Variants in EI24 observed in about 807,000 individuals in gnomAD.
EI24 encodes etoposide-induced protein 2.4 homolog.
In EI24, 21 loss-of-function variants were observed where a neutral mutation model predicts 48.6. The observed-to-expected ratio is 0.43, with a 90% CI of 0.31 to 0.62. The LOEUF (loss-of-function observed/expected upper bound fraction) is 0.62, where lower values mean the gene tolerates loss of function less well. Ranked by LOEUF, EI24 falls within the 20% of genes least tolerant of loss-of-function variation. The probability of loss-of-function intolerance (pLI) is 0.10; values close to 1 mark genes in which losing one functional copy is unlikely to be tolerated. For missense variants in EI24, 280 were observed against 410.5 expected, an observed-to-expected ratio of 0.68 and a Z score of 2.75; for synonymous variants, 114 against 145.5, an observed-to-expected ratio of 0.78 and a Z score of 1.56.
chr11:125,581,684 T>A (rs1939007001), intron 9 of EI24, among the ~76,000 whole-genome samples: 1 of 150,776 alleles, frequency 6.6e-6, no homozygotes, highest in Non-Finnish European at 1.5e-5. Context: ...GTAGCTGGGA[T>A]TACAGGCGCC....
rs1938690991 is a variant in EI24, at chr11:125,575,264, G to T, written c.44G>T (p.Gly15Val). The change falls in exon 3 of 11, where the codon GGA becomes GTA. Residue 15 changes from glycine to valine, a missense_variant and splice_region_variant. Gly to Val is a moderately radical substitution (Grantham distance 109). Around this residue, in one of 3 missense-constraint regions of EI24, gnomAD observed 204 missense variants for 294.1 expected, o/e 0.69. Transcript: ENST00000278903. Reference sequence around the variant, plus strand: ...TAATAATGATAGCCTTTTCTATAGGGAATCAAAGACTCCATCTGGGGTATT... The same window carrying T: ...TAATAATGATAGCCTTTTCTATAGGTAATCAAAGACTCCATCTGGGGTATT... ...VKTFLQDLAR[G>V]IKDSIWGICT... The T allele has an allele frequency of 6.5e-7, 1 of 1,544,318 alleles. No individual in the cohort carries two copies. The highest frequency in any genetic ancestry group is 8.8e-7 in the Non-Finnish European group (1 of 1,142,436).
In EI24 at chr11:125,583,678, C is replaced by G. The variant is rs568514385; in HGVS notation, c.1018C>G (p.His340Asp). The G allele has an allele frequency of 3.7e-6, 6 of 1,612,116 alleles. No individual in the cohort carries two copies. In the East Asian group the frequency reaches 1.3e-4, roughly 36 times the overall value. Residue 340 changes from histidine (H) to aspartate (D), a missense_variant, in exon 11 of 11, where the codon CAC (histidine) becomes GAC (aspartate). Physicochemically the swap from His to Asp is moderately conservative, Grantham distance 81 (BLOSUM62 -1). Around this residue, in one of 3 missense-constraint regions of EI24, gnomAD observed 62 missense variants for 65.1 expected, o/e 0.95. Coordinates refer to ENST00000278903, the MANE Select transcript of EI24 (RefSeq NM_004879.5). ...TGCCAAACTGAAGGCTACTGCAGGT[C>G]ACTGAGTTGCCTGCCATCCAAAGGG... ...SPAKLKATAG[H>D]
In EI24 at chr11:125,583,584, A is replaced by G; in HGVS notation, c.924A>G (p.Thr308=). The G allele has an allele frequency of 6.2e-7, 1 of 1,612,658 alleles. No individual in the cohort carries two copies. Among genetic ancestry groups the G allele is most frequent in the Non-Finnish European group, 8.5e-7 (1 of 1,179,674 alleles). Residue 308 remains threonine (T), a synonymous_variant, in exon 11 of 11, where the codon ACA becomes ACG. Coordinates refer to ENST00000278903, the MANE Select transcript of EI24 (RefSeq NM_004879.5). ...TAAGCAACAGACTCTTCCACAAGAC[A>G]GTCTACCTGCAGTCGGCCCTGAGCA... ...VFLSNRLFHK[T]VYLQSALSSS...
intron 9 of EI24, among the ~76,000 whole-genome samples, chr11:125,581,936 G>A (rs1255015698): frequency 1.3e-5 from 2 of 151,952 alleles, no homozygotes; most frequent in Admixed American, 6.6e-5. Flanking sequence ...CACGGCTCAC[G>A]CCTGTAATTC....
chr11:125,575,771 C>CAT (rs758087623), intron 3 of EI24: 6 of 260,210 alleles, frequency 2.3e-5, no homozygotes, highest in Admixed American at 5.2e-5. Context: ...AAGCTGGTTC[C>CAT]ATATATATAC....
At chr11:125,577,890 T>C (rs1212752425) in intron 5 of EI24, 8 of 587,804 alleles carry the variant, frequency 1.4e-5, no homozygotes, top group Admixed American at 3.0e-5. Context: ...GGCATCTCGT[T>C]ACCATCATGT....
intron 4 of EI24, among the ~76,000 whole-genome samples, chr11:125,576,523 T>G (rs570438793): frequency 2.0e-5 from 3 of 152,348 alleles, no homozygotes; most frequent in African/African-American, 7.2e-5. Context: ...GTCACAGCCC[T>G]GAATATACAC....
Position 125,575,291 on chromosome 11 carries a change from G to A in EI24, c.71G>A (p.Cys24Tyr). 6.4e-7 allele frequency: 1 copy of A among 1,552,410 alleles called. No homozygotes were observed. The highest frequency in any genetic ancestry group is 8.7e-7 in the Non-Finnish European group (1 of 1,147,530). ...ATCAAAGACTCCATCTGGGGTATTT[G>A]TACCATCTCAAAGCTAGATGCTCGA... The part of the protein sequence containing the change: ...RGIKDSIWGI[C>Y]TISKLDARIQ... The change falls in exon 3 of 11, where the codon TGT becomes TAT. Residue 24 changes from cysteine (C) to tyrosine (Y), a missense_variant. Cys to Tyr is a radical substitution (Grantham distance 194). Coordinates refer to ENST00000278903, the MANE Select transcript of EI24 (RefSeq NM_004879.5).
intron 1 of EI24, among the ~76,000 whole-genome samples, 187 bp from the exon 2 acceptor site, chr11:125,572,270 GA>G (rs576966194): frequency 1.3e-5 from 2 of 151,514 alleles, no homozygotes; most frequent in East Asian, 1.9e-4. Flanking sequence ...GAGTGTTTTA[GA>G]AAAAAAATAG....
intron 10 of EI24, 69 bp from the exon 11 acceptor site, chr11:125,583,452 A>G: frequency 1.5e-6 from 2 of 1,302,528 alleles, no homozygotes; most frequent in East Asian, 4.9e-5. Context: ...ATTTAATGTC[A>G]AGTTGTCAAA....
At chr11:125,582,259 A>G (rs1939042643) in intron 9 of EI24, 87 bp from the exon 10 acceptor site, 2 of 1,264,004 alleles carry the variant, frequency 1.6e-6, no homozygotes, top group Non-Finnish European at 2.1e-6. Flanking sequence ...CACTGGAAGC[A>G]AAAGAACTTG....
intron 7 of EI24, among the ~76,000 whole-genome samples, chr11:125,579,717 G>T (rs1205503126): frequency 6.6e-6 from 1 of 152,116 alleles, no homozygotes; most frequent in Non-Finnish European, 1.5e-5. Flanking sequence ...ACCTAGGCTG[G>T]AGTACAGTGG....
intron 3 of EI24, 124 bp from the exon 4 acceptor site, chr11:125,576,131 G>C: frequency 1.1e-6 from 1 of 918,914 alleles, no homozygotes; most frequent in Non-Finnish European, 1.7e-6. Context: ...TAGAACATTG[G>C]GAGAACATGA....
chr11:125,570,246 C>T (rs1248771597), intron 1 of EI24: 1 of 152,202 alleles, frequency 6.6e-6, no homozygotes, highest in Middle Eastern at 3.2e-3. Context: ...CATTTGCTGT[C>T]AGTCTGGGCA....
chr11:125,577,972 T>C (rs1444360958), intron 5 of EI24, 161 bp from the exon 6 acceptor site: 1 of 777,810 alleles, frequency 1.3e-6, no homozygotes, highest in East Asian at 2.7e-5. Flanking sequence ...ATGTGGTGCG[T>C]CTATTATGAG....
At chr11:125,579,511 C>T (rs1038988286) in intron 7 of EI24, among the ~76,000 whole-genome samples, 1 of 151,970 alleles carries the variant, frequency 6.6e-6, no homozygotes, top group African/African-American at 2.4e-5. Flanking sequence ...ACTAAAAATA[C>T]AAAAATTAGC....
At position 125,577,546 on chromosome 11, in the gene EI24, C is replaced by CA. The variant is rs761041182; in HGVS notation, c.293dup (p.Ser99ValfsTer9). ...TTATCGAGTATTTATTCCTGTGCTTCAGTCGGTAACAGCCCGAATTATCGG... is the reference window on the plus strand; with the variant it reads ...TTATCGAGTATTTATTCCTGTGCTTCAAGTCGGTAACAGCCCGAATTATCGG... On this transcript the variant is annotated frameshift_variant, in exon 5 of 11. Transcript: ENST00000278903. LOFTEE classifies it high-confidence loss of function. 1 of 1,613,892 alleles carries CA rather than the reference C, an allele frequency of 6.2e-7. No individual in the cohort carries two copies. Among genetic ancestry groups the CA allele is most frequent in the Non-Finnish European group, 8.5e-7 (1 of 1,179,842 alleles).
In EI24 at chr11:125,584,188, C is replaced by T. The variant is rs1285674184; in HGVS notation, c.*505C>T. 1 of 114,524 alleles carries T rather than the reference C, an allele frequency of 8.7e-6. No homozygotes were observed. The highest frequency in any genetic ancestry group is 1.6e-5 in the Non-Finnish European group (1 of 61,054). 7.1% of individuals were successfully genotyped at this position (114,524 alleles called of 1,614,324 possible). On this transcript the variant is annotated 3_prime_UTR_variant, in exon 11 of 11. Coordinates refer to ENST00000278903, the MANE Select transcript of EI24 (RefSeq NM_004879.5). ...CTTTATAGCCATTACTGTCTTGTTT[C>T]TTGTAACTCAGGTTAGGTTTTGGTC...
At chr11:125,574,425 A>T (rs1938653265) in intron 2 of EI24, among the ~76,000 whole-genome samples, 1 of 152,190 alleles carries the variant, frequency 6.6e-6, no homozygotes, top group Non-Finnish European at 1.5e-5. Flanking sequence ...TCCTGAGTTA[A>T]AAGCAAAATT....
Sources: gnomAD v4.1 joint callset for allele counts (sites outside exome capture counted in the v4.1 genomes callset) on GRCh38, gnomAD v4.1.1 for gene constraint, gnomAD v4.1.1 regional missense constraint, MANE v1.5 for transcripts, NCBI Gene and HGNC (gene_info 2026-07-23, HGNC 2026-07-21) for gene names.